The following TLN1 variants were observed in gnomAD, a reference collection of about 807,000 sequenced individuals.
TLN1 encodes talin-1.
In TLN1, 56 loss-of-function variants were observed where a neutral mutation model predicts 292.3. The observed-to-expected ratio is 0.19, with a 90% CI of 0.15 to 0.24. The LOEUF (loss-of-function observed/expected upper bound fraction) is 0.24, where lower values mean the gene tolerates loss of function less well. Ranked by LOEUF, TLN1 falls within the 10% of genes least tolerant of loss-of-function variation. TLN1 has a pLI of 1.00. For missense variants in TLN1, 2,433 were observed against 3,248.2 expected, an observed-to-expected ratio of 0.75 and a Z score of 6.10; for synonymous variants, 1,119 against 1,253.7, an observed-to-expected ratio of 0.89 and a Z score of 2.27.
Position 35,704,445 on chromosome 9 carries a change from G to A in TLN1, c.5934C>T (p.Cys1978=), listed in dbSNP as rs1563939403. The stretch of plus-strand genomic sequence containing the variant: ...CAGACACAGCGCTGGCTGCTGTGAT[G>A]CAGGCCTGGGTGCCACGATTCCCAG... ...LQAGNRGTQA[C]ITAASAVSGI... is the part of the protein sequence containing the mutation. Residue 1978 remains cysteine (C), a synonymous_variant, in exon 45 of 57, where the codon TGC becomes TGT. Coordinates refer to ENST00000314888, the MANE Select transcript of TLN1 (RefSeq NM_006289.4). The surrounding 1 kb of genome is among the most constrained non-coding windows in gnomAD (Gnocchi z 6.9). 2 of 1,614,078 alleles carry A rather than the reference G, an allele frequency of 1.2e-6. No homozygotes were observed. Among genetic ancestry groups the A allele is most frequent in the Middle Eastern group, 1.7e-4 (1 of 6,060 alleles).
chr9:35,717,748 A>G lies in TLN1; in HGVS notation c.2034T>C (p.Ala678=), dbSNP rs1366261106. ...LMQLAKAVAS[A]AAALVLKAKS... The stretch of plus-strand genomic sequence containing the variant: ...TGGCCTTGAGGACCAGGGCAGCTGC[A>G]GCACTTGCCACAGCTTTGGCGAGCT... The change falls in exon 18 of 57, where the codon GCT becomes GCC. Residue 678 remains alanine, a synonymous_variant. Transcript: ENST00000314888. The surrounding 1 kb of genome is among the most constrained non-coding windows in gnomAD (Gnocchi z 4.7). 3 of 1,609,864 alleles carry G rather than the reference A, an allele frequency of 1.9e-6. No homozygotes were observed. Among genetic ancestry groups the G allele is most frequent in the Non-Finnish European group, 2.5e-6 (3 of 1,176,866 alleles).
rs1795038482 is a variant in TLN1 at position 35,724,549 on chromosome 9, C to G, written c.511+23G>C. ...TCCCACCCTTCCCATTTCAAAAGCC[C>G]TCTTTTTTCTAGTTCTGCTTACACT... On this transcript the variant is annotated intron_variant, in intron 5 of 56. Transcript: ENST00000314888. The surrounding 1 kb of genome is among the most constrained non-coding windows in gnomAD (Gnocchi z 4.7). 1 of 1,602,010 alleles carries G rather than the reference C, an allele frequency of 6.2e-7. No individual in the cohort carries two copies. The highest frequency in any genetic ancestry group is 8.5e-7 in the Non-Finnish European group (1 of 1,173,992).
In TLN1 at chr9:35,719,370, CA is replaced by C; in HGVS notation, c.1688-89del. 7.1e-7 allele frequency: 1 copy of C among 1,398,878 alleles called. No individual in the cohort carries two copies. Among genetic ancestry groups the C allele is most frequent in the Non-Finnish European group, 1.0e-6 (1 of 994,456 alleles). The allele number at this position is 1,398,878 out of a possible 1,614,324, so 86.7% of individuals were successfully genotyped here. Reference sequence around the variant, plus strand: ...GGGAGCAAAGTCACACCCAGTTAGTCACACACATGTCCACAGAAAGACGCAC... The same window carrying C: ...GGGAGCAAAGTCACACCCAGTTAGTCCACACATGTCCACAGAAAGACGCAC... On this transcript the variant is annotated intron_variant, in intron 15 of 56. Coordinates refer to ENST00000314888, the MANE Select transcript of TLN1 (RefSeq NM_006289.4). This position sits in a 1 kb window ranked among gnomAD's most constrained non-coding sequence, Gnocchi z 4.6.
chr9:35,718,373 G>T (rs1236672872), intron 17 of TLN1, among the ~76,000 whole-genome samples: 1 of 152,226 alleles, frequency 6.6e-6, no homozygotes, highest in Non-Finnish European at 1.5e-5. Context: ...GAATCGGGGG[G>T]AGATCGAACC....
At chr9:35,730,065 C>T (rs1203410664) in intron 1 of TLN1, among the ~76,000 whole-genome samples, 3 of 151,584 alleles carry the variant, frequency 2.0e-5, no homozygotes, top group Non-Finnish European at 2.9e-5. Flanking sequence ...GTCACTGCAT[C>T]AGGTTGGGGG....
rs1199496020 is a variant in TLN1, at chr9:35,724,473, T to A, written c.511+99A>T. 20 of 1,561,878 alleles carry A rather than the reference T, an allele frequency of 1.3e-5. No homozygotes were observed. Among genetic ancestry groups the A allele is most frequent in the Middle Eastern group, 1.7e-4 (1 of 5,846 alleles). On this transcript the variant is annotated intron_variant, in intron 5 of 56. Transcript: ENST00000314888. This position sits in a 1 kb window ranked among gnomAD's most constrained non-coding sequence, Gnocchi z 4.7. The stretch of plus-strand genomic sequence containing the variant: ...GTAGGACTTTGTTTTCTCACTGATG[T>A]ATCCCCAGGGTGTAAAACAGTGCCT...
At chr9:35,716,748 G>C (rs1825790499) in intron 19 of TLN1, among the ~76,000 whole-genome samples, 192 bp from the exon 20 acceptor site, 1 of 152,114 alleles carries the variant, frequency 6.6e-6, no homozygotes, top group Non-Finnish European at 1.5e-5. Context: ...TGGAGAAAAA[G>C]ATTCTCCAGT....
chr9:35,707,440 C>T lies in TLN1; in HGVS notation c.4681G>A (p.Ala1561Thr), dbSNP rs1277478868. Reference sequence around the variant, plus strand: ...ACAGCCTCCAGCAGAGGGGCTGTTGCTGCTCGGCACTGGGCACGGTTCTCC... The same window carrying T: ...ACAGCCTCCAGCAGAGGGGCTGTTGTTGCTCGGCACTGGGCACGGTTCTCC... The part of the protein sequence containing the change: ...TEENRAQCRA[A>T]TAPLLEAVDN... The change falls in exon 36 of 57, where the codon GCA (alanine) becomes ACA (threonine). Residue 1561 changes from alanine to threonine, a missense_variant. Ala to Thr is a moderately conservative substitution (Grantham distance 58). This residue lies in a region of TLN1 where 1,384 missense variants were observed against 1,699.6 expected (regional missense o/e 0.81). Transcript: ENST00000314888. The surrounding 1 kb of genome is among the most constrained non-coding windows in gnomAD (Gnocchi z 5.6). 5 of 1,614,200 alleles carry T rather than the reference C, an allele frequency of 3.1e-6. No homozygotes were observed. Among genetic ancestry groups the T allele is most frequent in the South Asian group, 1.1e-5 (1 of 91,088 alleles).
rs1373463420 is a variant in TLN1 at position 35,708,500 on chromosome 9, G to C, written c.4327-16C>G. 3.2e-6 allele frequency: 5 copies of C among 1,544,564 alleles called. No individual in the cohort carries two copies. Among genetic ancestry groups the C allele is most frequent in the Admixed American group, 3.9e-5 (2 of 51,762 alleles). On this transcript the variant is annotated splice_polypyrimidine_tract_variant and intron_variant, in intron 33 of 56. Coordinates refer to ENST00000314888, the MANE Select transcript of TLN1 (RefSeq NM_006289.4). The stretch of plus-strand genomic sequence containing the variant: ...GATATGCAGCCTGGGAAGAGAAAAG[G>C]GGGTGGGGGTGAGGAATAAAGATTG...
In TLN1 at chr9:35,717,022, CTGGCAAGCCCACACTGTGCTGAGT is replaced by C. The variant is rs1825797139; in HGVS notation, c.2458+100_2458+123del. 1 of 1,103,652 alleles carries C rather than the reference CTGGCAAGCCCACACTGTGCTGAGT, an allele frequency of 9.1e-7. No individual in the cohort carries two copies. The highest frequency in any genetic ancestry group is 1.6e-5 in the South Asian group (1 of 61,334). 68.4% of individuals were successfully genotyped at this position (1,103,652 alleles called of 1,614,324 possible). ...TAATGATGAGCCTATGGTTGTGTGG[CTGGCAAGCCCACACTGTGCTGAGT>C]TCCTTGGGGTGAAGTGGTTAGGTCC... On this transcript the variant is annotated intron_variant, in intron 19 of 56. Transcript: ENST00000314888. The surrounding 1 kb of genome is among the most constrained non-coding windows in gnomAD (Gnocchi z 4.7).
intron 10 of TLN1, 124 bp from the exon 11 acceptor site, chr9:35,721,037 GA>G (rs1825871702): frequency 3.1e-6 from 2 of 651,140 alleles, no homozygotes; most frequent in African/African-American, 3.6e-5. Context: ...CCTCTTGGAA[GA>G]TGCCCACCTT....
chr9:35,716,531 G>A lies in TLN1; in HGVS notation c.2484C>T (p.Ile828=). ...CCAGGTCAGATGTGGCTTGGGCCAGGATGCGGGCCTGTCGCACCATCTCCC... is the reference window on the plus strand; with the variant it reads ...CCAGGTCAGATGTGGCTTGGGCCAGAATGCGGGCCTGTCGCACCATCTCCC... The part of the protein sequence containing the change: ...DAGEMVRQAR[I]LAQATSDLVN... Residue 828 remains isoleucine (I), a synonymous_variant, in exon 20 of 57, where the codon ATC becomes ATT. Transcript: ENST00000314888. 1.2e-6 allele frequency: 2 copies of A among 1,614,196 alleles called. No homozygotes were observed. Among genetic ancestry groups the A allele is most frequent in the Non-Finnish European group, 1.7e-6 (2 of 1,180,032 alleles).
At chr9:35,709,748 A>T (rs1284641084) in intron 33 of TLN1, among the ~76,000 whole-genome samples, 1 of 149,814 alleles carries the variant, frequency 6.7e-6, no homozygotes, top group Non-Finnish European at 1.5e-5. Context: ...TTAGCCGGGC[A>T]TGGTGGCGCG....
rs182160269 is a variant in TLN1, at chr9:35,705,696, T to C, written c.5614-26A>G. The C allele has an allele frequency of 9.9e-5, 159 of 1,613,800 alleles. No individual in the cohort carries two copies. The Admixed American group carries it at 2.6e-3, about 26-fold the overall frequency. On this transcript the variant is annotated intron_variant, in intron 42 of 56. Transcript: ENST00000314888. The stretch of plus-strand genomic sequence containing the variant: ...CTGGTGATAATGGAACGAGTGAAGT[T>C]ATATCCAAAGTCAGCTCTCCGAGGG...
Position 35,705,803 on chromosome 9 carries a change from G to A in TLN1, c.5560C>T (p.Gln1854Ter). Residue 1854 changes from glutamine to a stop codon, truncating the protein, a stop_gained, in exon 42 of 57, where the codon CAA becomes TAA. Transcript: ENST00000314888. LOFTEE classifies it high-confidence loss of function. ...TTGGCTGTCCGCACCATAGTTGTTT[G>A]GTAATCCACGAAGGAACCTTCTGGT... ...GEPEGSFVDY[Q>*]TTMVRTAKAI... The A allele has an allele frequency of 6.2e-7, 1 of 1,614,200 alleles. No homozygotes were observed. The highest frequency in any genetic ancestry group is 1.1e-5 in the South Asian group (1 of 91,082).
rs769190635 is a variant in TLN1, at chr9:35,717,791, G to A, written c.1996-5C>T. 3 of 1,592,382 alleles carry A rather than the reference G, an allele frequency of 1.9e-6. No individual in the cohort carries two copies. The highest frequency in any genetic ancestry group is 2.6e-6 in the Non-Finnish European group (3 of 1,163,598). ...GGCGAGCTGCATTAGCGCATCCTGT[G>A]AGAAAACAGCAGTTAGCATGACCTG... On this transcript the variant is annotated splice_polypyrimidine_tract_variant and splice_region_variant and intron_variant, in intron 17 of 56. Coordinates refer to ENST00000314888, the MANE Select transcript of TLN1 (RefSeq NM_006289.4). This position sits in a 1 kb window ranked among gnomAD's most constrained non-coding sequence, Gnocchi z 4.7.
chr9:35,715,988 C>T (rs1825772206), intron 20 of TLN1, among the ~76,000 whole-genome samples: 1 of 152,046 alleles, frequency 6.6e-6, no homozygotes, highest in Non-Finnish European at 1.5e-5. Context: ...ATGTTAATTA[C>T]TCTGATCTGA....
intron 2 of TLN1, 45 bp downstream of exon 2, chr9:35,725,520 G>A (rs1267683216): frequency 1.9e-6 from 3 of 1,599,182 alleles, no homozygotes; most frequent in Non-Finnish European, 2.6e-6. Flanking sequence ...GGAACAAGAA[G>A]GGACTGAAGA....
chr9:35,722,333 T>C, intron 8 of TLN1, 110 bp from the exon 9 acceptor site: 1 of 947,732 alleles, frequency 1.1e-6, no homozygotes, highest in Non-Finnish European at 1.7e-6. Context: ...CTGGAAAGGT[T>C]GAGGAGTACA....
Sources: allele counts gnomAD v4.1 joint callset (sites outside exome capture counted in the v4.1 genomes callset), GRCh38; gene constraint gnomAD v4.1.1; regional missense constraint gnomAD v4.1.1; non-coding constraint Gnocchi (gnomAD v3.1); transcripts MANE v1.5; gene names NCBI Gene and HGNC (gene_info 2026-07-23, HGNC 2026-07-21).